Variants in GCH1 observed in about 807,000 individuals in gnomAD.
The protein encoded by GCH1 is GTP cyclohydrolase 1.
GCH1 carries 5 observed loss-of-function variants against 25.9 expected under a neutral mutation model. That is an observed-to-expected ratio of 0.19 (90% CI 0.10 to 0.41). The LOEUF (loss-of-function observed/expected upper bound fraction) is 0.41. GCH1 is among the 10% of genes least tolerant of loss of function. The pLI, the probability that GCH1 is intolerant of heterozygous loss-of-function variation, is 1.00. For missense variants in GCH1, 261 were observed against 336.5 expected (o/e 0.78, Z 1.75); for synonymous variants, 159 against 129.6 (o/e 1.23, Z -1.54).
intron 1 of GCH1, among the ~76,000 whole-genome samples, chr14:54,892,543 GC>G (rs1371465716): frequency 6.6e-6 from 1 of 152,066 alleles, no homozygotes; most frequent in African/African-American, 2.4e-5. Flanking sequence ...ACAAAAATTA[GC>G]CAGGCATGGT....
intron 2 of GCH1, among the ~76,000 whole-genome samples, chr14:54,863,913 T>C (rs1338470827): frequency 6.6e-6 from 1 of 152,034 alleles, no homozygotes; most frequent in Non-Finnish European, 1.5e-5. Context: ...GGCTAGGATA[T>C]AGTGGCGCAA....
chr14:54,877,877 C>A (rs2040186271), intron 1 of GCH1, among the ~76,000 whole-genome samples: 1 of 152,204 alleles, frequency 6.6e-6, no homozygotes, highest in Middle Eastern at 3.4e-3. Context: ...ATCTCTAGGC[C>A]CCACCCCTAG....
intron 1 of GCH1, among the ~76,000 whole-genome samples, chr14:54,884,461 T>C (rs56013432): frequency 0.21 from 31,419 of 152,136 alleles, 3,333 homozygotes; most frequent in Admixed American, 0.23. Context: ...GTTTTCTTTT[T>C]TTCTTTTTTT....
In GCH1 at chr14:54,888,679, ATT is replaced by A. The variant is rs58982226; in HGVS notation, c.343+13640_343+13641del. 5.4e-3 allele frequency among the ~76,000 whole-genome samples: 741 copies of A among 138,408 alleles called. 4 individuals are homozygous for A. Among genetic ancestry groups the A allele is most frequent in the African/African-American group, 0.017 (652 of 37,932 alleles). The allele number at this position is 138,408 out of a possible 152,430, so 90.8% of individuals were successfully genotyped here. The stretch of plus-strand genomic sequence containing the variant: ...AGGCGCCCACAACCACGCCCGGCTA[ATT>A]TTTTTTTTTTTTTTTGTATTTTTAG... On this transcript the variant is annotated intron_variant, in intron 1 of 5. Coordinates refer to ENST00000491895, the MANE Select transcript of GCH1 (RefSeq NM_000161.3).
chr14:54,887,572 A>G (rs1163338190), intron 1 of GCH1, among the ~76,000 whole-genome samples: 1 of 152,190 alleles, frequency 6.6e-6, no homozygotes, highest in Non-Finnish European at 1.5e-5. Context: ...CCTTGAGTGG[A>G]TCCTTGTTGG....
chr14:54,862,263 T>C (rs942089558), intron 2 of GCH1, among the ~76,000 whole-genome samples: 1 of 151,748 alleles, frequency 6.6e-6, no homozygotes, highest in Non-Finnish European at 1.5e-5. Context: ...ACTATTGACC[T>C]GAAGCTATCC....
At chr14:54,858,789 AAAC>A (rs1471328062) in intron 3 of GCH1, among the ~76,000 whole-genome samples, 4 of 152,194 alleles carry the variant, frequency 2.6e-5, no homozygotes, top group African/African-American at 9.6e-5. Context: ...TTATACGAAG[AAAC>A]AACAAGGATA....
At chr14:54,870,607 A>G (rs1007491464) in intron 1 of GCH1, among the ~76,000 whole-genome samples, 3 of 152,206 alleles carry the variant, frequency 2.0e-5, no homozygotes, top group African/African-American at 7.2e-5. Flanking sequence ...AGTCAAAGAA[A>G]GCGGTGACAG....
intron 1 of GCH1, chr14:54,885,552 G>T: frequency 2.7e-6 from 1 of 377,262 alleles, no homozygotes; most frequent in Non-Finnish European, 5.1e-6. Flanking sequence ...TCTGCCCCCA[G>T]CAAGGTGAGG....
At chr14:54,846,210 C>A (rs1336680327) in intron 4 of GCH1, among the ~76,000 whole-genome samples, 1 of 152,198 alleles carries the variant, frequency 6.6e-6, no homozygotes, top group Non-Finnish European at 1.5e-5. Context: ...AAATAGCCTG[C>A]AACAGGGTTA....
At chr14:54,878,530 A>T (rs1433417723) in intron 1 of GCH1, among the ~76,000 whole-genome samples, 1 of 152,202 alleles carries the variant, frequency 6.6e-6, no homozygotes, top group Admixed American at 6.5e-5. Flanking sequence ...GTTCCATCTA[A>T]TATCAGAGCT....
At chr14:54,885,953 C>T in intron 1 of GCH1, 1 of 247,174 alleles carries the variant, frequency 4.0e-6, no homozygotes, top group Non-Finnish European at 8.0e-6. Flanking sequence ...CACAACAGCC[C>T]AGACAGGACC....
In GCH1 at chr14:54,897,157, G is replaced by C. The variant is rs555910730; in HGVS notation, c.343+5164C>G. ...CCCAAGTAGCTGGGACTACAGGCACGCACCACCACACCCAGCTAATTTTTG... is the reference window on the plus strand; with the variant it reads ...CCCAAGTAGCTGGGACTACAGGCACCCACCACCACACCCAGCTAATTTTTG... On this transcript the variant is annotated intron_variant, in intron 1 of 5. Coordinates refer to ENST00000491895, the MANE Select transcript of GCH1 (RefSeq NM_000161.3). Among the ~76,000 whole-genome samples, 8 of 150,390 alleles carry C rather than the reference G, an allele frequency of 5.3e-5. No homozygotes were observed. In the East Asian group the frequency reaches 1.6e-3, roughly 30 times the overall value.
chr14:54,865,451 T>C lies in GCH1; in HGVS notation c.344-15A>G, dbSNP rs1181987843. The stretch of plus-strand genomic sequence containing the variant: ...GTTTAGGACATCTGAAATCAGAGGC[T>C]TGCTTTAGTAACATGTCCAATTTTA... On this transcript the variant is annotated splice_polypyrimidine_tract_variant and intron_variant, in intron 1 of 5. Coordinates refer to ENST00000491895, the MANE Select transcript of GCH1 (RefSeq NM_000161.3). The C allele has an allele frequency of 3.8e-5, 48 of 1,248,676 alleles. No homozygotes were observed. Among genetic ancestry groups the C allele is most frequent in the Middle Eastern group, 1.9e-4 (1 of 5,404 alleles). The allele number at this position is 1,248,676 out of a possible 1,614,324, so 77.3% of individuals were successfully genotyped here.
chr14:54,902,519 G>A lies in GCH1; in HGVS notation c.145C>T (p.Pro49Ser), dbSNP rs573085618. 5.0e-6 allele frequency: 8 copies of A among 1,596,374 alleles called. No individual in the cohort carries two copies. The highest frequency in any genetic ancestry group is 6.8e-6 in the Non-Finnish European group (8 of 1,172,948). Reference sequence around the variant, plus strand: ...CGCTCGCCCTTCCAGCCGTCCGCGGGCTGCGCGCTCTTGGCCTCGGGCCGC... The same window carrying A: ...CGCTCGCCCTTCCAGCCGTCCGCGGACTGCGCGCTCTTGGCCTCGGGCCGC... ...PPRPEAKSAQPADGWKGERPR... is the reference protein window; with the variant it reads ...PPRPEAKSAQSADGWKGERPR... The change falls in exon 1 of 6, where the codon CCC becomes TCC. Residue 49 changes from proline (P) to serine (S), a missense_variant. Around this residue, in one of 3 missense-constraint regions of GCH1, gnomAD observed 125 missense variants for 128.7 expected, o/e 0.97. Coordinates refer to ENST00000491895, the MANE Select transcript of GCH1 (RefSeq NM_000161.3).
intron 1 of GCH1, among the ~76,000 whole-genome samples, chr14:54,874,631 C>G (rs944904206): frequency 1.1e-4 from 16 of 152,168 alleles, no homozygotes; most frequent in Admixed American, 8.5e-4. Flanking sequence ...AGCTGATAAG[C>G]AACTTCAGCA....
At chr14:54,897,504 G>C (rs963138475) in intron 1 of GCH1, among the ~76,000 whole-genome samples, 1 of 151,648 alleles carries the variant, frequency 6.6e-6, no homozygotes, top group Non-Finnish European at 1.5e-5. Flanking sequence ...AGTCAGGTTG[G>C]TCTCGAACTC....
At chr14:54,866,634 G>A (rs1462723098) in intron 1 of GCH1, among the ~76,000 whole-genome samples, 1 of 152,048 alleles carries the variant, frequency 6.6e-6, no homozygotes, top group Non-Finnish European at 1.5e-5. Flanking sequence ...CCTCAGAAAG[G>A]CAGGCGGCTG....
chr14:54,894,811 C>T (rs1179976414), intron 1 of GCH1, among the ~76,000 whole-genome samples: 2 of 152,038 alleles, frequency 1.3e-5, no homozygotes, highest in Non-Finnish European at 2.9e-5. Flanking sequence ...CAACTAAGTC[C>T]TATATAAGTG....
Sources: allele counts gnomAD v4.1 joint callset (sites outside exome capture counted in the v4.1 genomes callset), GRCh38; gene constraint gnomAD v4.1.1; regional missense constraint gnomAD v4.1.1; transcripts MANE v1.5; gene names NCBI Gene and HGNC (gene_info 2026-07-23, HGNC 2026-07-21).